SPATA13: variants seen among roughly 807,000 people sequenced by gnomAD.
SPATA13 encodes spermatogenesis-associated protein 13.
A neutral mutation model predicts 104.0 loss-of-function variants in SPATA13; 50 were observed. The observed-to-expected ratio is 0.48, with a 90% CI of 0.38 to 0.61. The LOEUF (loss-of-function observed/expected upper bound fraction) is 0.61, where lower values mean the gene tolerates loss of function less well. SPATA13 is among the 20% of genes least tolerant of loss of function. The pLI is 0.00. For synonymous variants in SPATA13, 606 were observed against 667.5 expected, an observed-to-expected ratio of 0.91 and a Z score of 1.42; for missense variants, 1,524 against 1,690.6, an observed-to-expected ratio of 0.90 and a Z score of 1.73.
At position 24,122,681 on chromosome 13, in the gene SPATA13, G is replaced by T. The variant is rs4770594; in HGVS notation, c.-111-100138G>T. 7.5e-5 allele frequency: 77 copies of T among 1,024,852 alleles called. 1 individual carries two copies. The South Asian group carries it at 9.4e-4, about 12-fold the overall frequency. The allele number at this position is 1,024,852 out of a possible 1,614,324, so 63.5% of individuals were successfully genotyped here. A position where few individuals can be genotyped will look rare whatever the true frequency, so the allele number is the denominator to read the frequency against. Reference sequence around the variant, plus strand: ...GATACTTGGTGACAGACAGAAGTGTGTCTGTATCAACTGTTACATAATTAC... The same window carrying T: ...GATACTTGGTGACAGACAGAAGTGTTTCTGTATCAACTGTTACATAATTAC... On this transcript the variant is annotated intron_variant, in intron 3 of 14. Transcript: ENST00000424834.
At chr13:24,037,708 G>A (rs974203401) in intron 3 of SPATA13, among the ~76,000 whole-genome samples, 7 of 149,992 alleles carry the variant, frequency 4.7e-5, no homozygotes, top group African/African-American at 7.4e-5. Context: ...GTGCCCAGCC[G>A]GCTAACACTT....
chr13:24,149,012 C>T (rs1299721543), intron 3 of SPATA13, among the ~76,000 whole-genome samples: 3 of 152,150 alleles, frequency 2.0e-5, no homozygotes, highest in Non-Finnish European at 4.4e-5. Context: ...AATGTAGGCT[C>T]CGTCCACAAA....
chr13:24,087,478 T>C (rs2137786449), intron 3 of SPATA13, among the ~76,000 whole-genome samples: 1 of 152,292 alleles, frequency 6.6e-6, no homozygotes, highest in Middle Eastern at 3.4e-3. Flanking sequence ...ATCCAGAGAC[T>C]TAAAAATAGC....
At position 24,169,458 on chromosome 13, in the gene SPATA13, G is replaced by T. The variant is rs12876515; in HGVS notation, c.-112+8526G>T. On this transcript the variant is annotated intron_variant, in intron 1 of 12. Transcript: ENST00000382108. ...AGTAGACTGGTTTCAAAATCAGTCT[G>T]GGTTCTATTTGTTGTATTTCTGACT... is the stretch of plus-strand genomic sequence containing the variant. Among the ~76,000 whole-genome samples, 33 of 152,046 alleles carry T rather than the reference G, an allele frequency of 2.2e-4. No homozygotes were observed. The East Asian group carries it at 6.4e-3, about 29-fold the overall frequency.
At chr13:24,124,931 C>G in intron 3 of SPATA13, among the ~76,000 whole-genome samples, 1 of 152,142 alleles carries the variant, frequency 6.6e-6, no homozygotes, top group East Asian at 1.9e-4. Context: ...AGAACCAAGT[C>G]TCATTCAGGT....
chr13:23,985,642 AG>A, intron 2 of SPATA13, among the ~76,000 whole-genome samples: 2 of 152,374 alleles, frequency 1.3e-5, no homozygotes, highest in African/African-American at 4.8e-5. Context: ...AGGAAATATA[AG>A]AGGGACTGGG....
In SPATA13 at chr13:24,129,575, G is replaced by C. The variant is rs118113088; in HGVS notation, c.-111-93244G>C. 4.1e-3 allele frequency among the ~76,000 whole-genome samples: 631 copies of C among 152,286 alleles called. 10 individuals carry two copies. In the East Asian group the frequency reaches 0.063, roughly 15 times the overall value. ...GTTTGTTATTTGGCTGAATCACCTGGCTGGTGCCTGCCTGAAGTCAGAGGA... is the reference window on the plus strand; with the variant it reads ...GTTTGTTATTTGGCTGAATCACCTGCCTGGTGCCTGCCTGAAGTCAGAGGA... On this transcript the variant is annotated intron_variant, in intron 3 of 14. Coordinates refer to the SPATA13 transcript ENST00000424834.
chr13:24,164,779 A>G (rs1249363264), intron 1 of SPATA13, among the ~76,000 whole-genome samples: 2 of 152,128 alleles, frequency 1.3e-5, no homozygotes, highest in East Asian at 3.9e-4. Flanking sequence ...TGAGGCAGAA[A>G]CGGCACCACA....
intron 3 of SPATA13, among the ~76,000 whole-genome samples, chr13:24,042,561 G>A (rs1165707066): frequency 2.6e-5 from 4 of 152,208 alleles, no homozygotes; most frequent in African/African-American, 4.8e-5. Flanking sequence ...AGACACAAGC[G>A]CACATCTATG....
At chr13:24,084,935 A>G (rs1222943878) in intron 3 of SPATA13, among the ~76,000 whole-genome samples, 3 of 152,212 alleles carry the variant, frequency 2.0e-5, no homozygotes, top group African/African-American at 7.2e-5. Flanking sequence ...ACAGCAATTT[A>G]TAAGAAACAT....
chr13:24,109,207 T>A (rs1260211045), intron 3 of SPATA13, among the ~76,000 whole-genome samples: 1 of 152,016 alleles, frequency 6.6e-6, no homozygotes, highest in African/African-American at 2.4e-5. Context: ...AAACATGCGG[T>A]GTTTGGTTTT....
At chr13:24,049,338 T>C (rs1878256870) in intron 3 of SPATA13, among the ~76,000 whole-genome samples, 1 of 152,210 alleles carries the variant, frequency 6.6e-6, no homozygotes, top group African/African-American at 2.4e-5. Flanking sequence ...TACCATTGTG[T>C]TACAGCTGCC....
intron 1 of SPATA13, among the ~76,000 whole-genome samples, chr13:24,165,953 T>G (rs1882714414): frequency 6.6e-6 from 1 of 152,168 alleles, no homozygotes; most frequent in South Asian, 2.1e-4. Context: ...GTGTTGTGAC[T>G]CTATAGCTAA....
chr13:24,017,375 C>T (rs1186889021), intron 2 of SPATA13, among the ~76,000 whole-genome samples: 1 of 152,154 alleles, frequency 6.6e-6, no homozygotes, highest in Admixed American at 6.5e-5. Context: ...GATTGGAAAC[C>T]CAGGGCTTAG....
intron 4 of SPATA13, among the ~76,000 whole-genome samples, chr13:24,274,933 G>T (rs1453237524): frequency 2.0e-5 from 3 of 152,180 alleles, no homozygotes; most frequent in Non-Finnish European, 4.4e-5. Flanking sequence ...AGTGCCTGAT[G>T]TTTAAGGGCT....
At chr13:23,987,834 C>T (rs1006277723) in intron 2 of SPATA13, among the ~76,000 whole-genome samples, 1 of 152,178 alleles carries the variant, frequency 6.6e-6, no homozygotes, top group East Asian at 1.9e-4. Context: ...ACTCTAGGTA[C>T]CTCTTACAAG....
At chr13:24,103,266 A>G (rs1309461344) in intron 3 of SPATA13, among the ~76,000 whole-genome samples, 1 of 152,110 alleles carries the variant, frequency 6.6e-6, no homozygotes, top group African/African-American at 2.4e-5. Context: ...TTCTTTACCT[A>G]TGTCTAGTCT....
At chr13:24,040,035 A>C (rs1390923896) in intron 3 of SPATA13, among the ~76,000 whole-genome samples, 1 of 152,164 alleles carries the variant, frequency 6.6e-6, no homozygotes, top group Non-Finnish European at 1.5e-5. Flanking sequence ...AATCACAAGC[A>C]CCGTTTGGTG....
Position 24,286,615 on chromosome 13 carries a change from G to T in SPATA13, c.2482-150G>T, listed in dbSNP as rs1875966308. The stretch of plus-strand genomic sequence containing the variant: ...GGTCCTCGTGCCTGCTGGCATAGCC[G>T]CAGCCCTGCTGAGGCCATGAGACTC... On this transcript the variant is annotated intron_variant, in intron 6 of 12. Coordinates refer to ENST00000382108, the MANE Select transcript of SPATA13 (RefSeq NM_001166271.3). This position sits in a 1 kb window ranked among gnomAD's most constrained non-coding sequence, Gnocchi z 4.9. 2 of 830,506 alleles carry T rather than the reference G, an allele frequency of 2.4e-6. No individual in the cohort carries two copies. The highest frequency in any genetic ancestry group is 5.8e-5 in the Admixed American group (2 of 34,512). The allele number at this position is 830,506 out of a possible 1,614,324, so 51.4% of individuals were successfully genotyped here.
Sources: gnomAD v4.1 joint callset for allele counts (sites outside exome capture counted in the v4.1 genomes callset) on GRCh38, gnomAD v4.1.1 for gene constraint, Gnocchi (gnomAD v3.1) non-coding constraint, MANE v1.5 for transcripts, NCBI Gene and HGNC (gene_info 2026-07-23, HGNC 2026-07-21) for gene names.